Variants in ALDH1L1 observed in about 807,000 individuals in gnomAD.
ALDH1L1 encodes the protein aldehyde dehydrogenase 1 family member L1.
Under a neutral mutation model 101.1 loss-of-function variants are expected in ALDH1L1, and 68 were observed. The ratio of observed to expected loss-of-function variants is 0.67; its 90% CI spans 0.55 to 0.82. ALDH1L1 has a LOEUF of 0.82. Among genes scored for constraint, ALDH1L1 ranks in the 40% least tolerant of loss-of-function variants. ALDH1L1 has a pLI of 0.00. For missense variants in ALDH1L1, 1,087 were observed against 1,172.7 expected (o/e 0.93, Z 1.07); for synonymous variants, 486 against 470.8 (o/e 1.03, Z -0.42).
At position 126,137,301 on chromosome 3, in the gene ALDH1L1, C is replaced by T. The variant is rs988871230; in HGVS notation, c.1225-418G>A. On this transcript the variant is annotated intron_variant, in intron 10 of 22. Transcript: ENST00000393434. Reference sequence around the variant, plus strand: ...TGAAATCTGTTCGTCAGTCATTTGTCCTCAATCCCAAGGACACCCTTAGGT... The same window carrying T: ...TGAAATCTGTTCGTCAGTCATTTGTTCTCAATCCCAAGGACACCCTTAGGT... 3.3e-5 allele frequency among the ~76,000 whole-genome samples: 5 copies of T among 152,302 alleles called. No homozygotes were observed. The South Asian group carries it at 1.0e-3, about 32-fold the overall frequency.
At chr3:126,144,113 T>C (rs1441576136) in intron 9 of ALDH1L1, among the ~76,000 whole-genome samples, 1 of 152,152 alleles carries the variant, frequency 6.6e-6, no homozygotes, top group African/African-American at 2.4e-5. Flanking sequence ...CAATTCCCTT[T>C]ACAATGGCAT....
At position 126,112,702 on chromosome 3, in the gene ALDH1L1, C is replaced by A. The variant is rs531988855; in HGVS notation, c.2181+80G>T. 1.0e-5 allele frequency: 14 copies of A among 1,389,060 alleles called. No individual in the cohort carries two copies. The South Asian group carries it at 1.5e-4, about 15-fold the overall frequency. 86.0% of individuals were successfully genotyped at this position (1,389,060 alleles called of 1,614,324 possible). A position where few individuals can be genotyped will look rare whatever the true frequency, so the allele number is the denominator to read the frequency against. On this transcript the variant is annotated intron_variant, in intron 19 of 22. Coordinates refer to ENST00000393434, the MANE Select transcript of ALDH1L1 (RefSeq NM_012190.4). ...CCAGCCTCACTTGACCCTGCCCTGT[C>A]TCCCCTCCTCCAACCCCCTCCAGCC...
intron 8 of ALDH1L1, among the ~76,000 whole-genome samples, chr3:126,148,912 C>T (rs968285279): frequency 2.0e-5 from 3 of 152,228 alleles, no homozygotes; most frequent in African/African-American, 7.2e-5. Flanking sequence ...CCCCTAAAAC[C>T]TGCACCTTTT....
At chr3:126,156,998 A>G (rs369468917) in intron 4 of ALDH1L1, among the ~76,000 whole-genome samples, 1 of 152,232 alleles carries the variant, frequency 6.6e-6, no homozygotes. Context: ...GGAGAGAGAA[A>G]TAGAATCCTA....
chr3:126,109,913 A>G lies in ALDH1L1; in HGVS notation c.2347+31T>C, dbSNP rs377289959. The G allele has an allele frequency of 1.9e-6, 3 of 1,609,846 alleles. No individual in the cohort carries two copies. The South Asian group carries it at 3.3e-5, about 18-fold the overall frequency. ...GCCATGGGACCTGCTGCCTCAATTGACCCAAGCGGACCTGACACACTCTGA... is the reference window on the plus strand; with the variant it reads ...GCCATGGGACCTGCTGCCTCAATTGGCCCAAGCGGACCTGACACACTCTGA... On this transcript the variant is annotated intron_variant, in intron 20 of 22. Transcript: ENST00000393434.
At chr3:126,117,415 G>A (rs1388482670) in intron 17 of ALDH1L1, among the ~76,000 whole-genome samples, 2 of 152,014 alleles carry the variant, frequency 1.3e-5, no homozygotes, top group Non-Finnish European at 2.9e-5. Flanking sequence ...ACGGAGATGG[G>A]AGGCCGAGTC....
chr3:126,193,044 T>A (rs1402134133), intron 1 of ALDH1L1, among the ~76,000 whole-genome samples: 1 of 152,222 alleles, frequency 6.6e-6, no homozygotes, highest in African/African-American at 2.4e-5. Context: ...GAAGTATGGC[T>A]GCTGGGATTG....
At chr3:126,195,921 T>A (rs1052361363) in intron 1 of ALDH1L1, among the ~76,000 whole-genome samples, 2 of 151,930 alleles carry the variant, frequency 1.3e-5, no homozygotes, top group South Asian at 2.1e-4. Context: ...ATGAGAACAC[T>A]TGGACACAGG....
chr3:126,176,323 CA>C (rs1375746694), intron 1 of ALDH1L1, among the ~76,000 whole-genome samples: 2 of 152,148 alleles, frequency 1.3e-5, no homozygotes, highest in African/African-American at 2.4e-5. Flanking sequence ...TGGATATCAA[CA>C]AACTGATTCT....
intron 17 of ALDH1L1, among the ~76,000 whole-genome samples, chr3:126,116,001 T>C (rs1297570232): frequency 1.3e-5 from 2 of 151,092 alleles, no homozygotes; most frequent in Non-Finnish European, 2.9e-5. Context: ...GCCTCTAGAG[T>C]AGCTGGGAAT....
intron 5 of ALDH1L1, 109 bp downstream of exon 5, chr3:126,155,293 G>A: frequency 1.0e-6 from 1 of 961,890 alleles, no homozygotes; most frequent in Non-Finnish European, 1.5e-6. Context: ...TGGCCTCAAA[G>A]AATTACAACC....
chr3:126,169,029 C>G (rs80031052), intron 1 of ALDH1L1, among the ~76,000 whole-genome samples: 3 of 151,978 alleles, frequency 2.0e-5, no homozygotes, highest in African/African-American at 7.3e-5. Context: ...AACAAGCGCT[C>G]TCAAAGGCAG....
At chr3:126,148,327 A>G (rs2080738529) in intron 8 of ALDH1L1, among the ~76,000 whole-genome samples, 1 of 152,176 alleles carries the variant, frequency 6.6e-6, no homozygotes, top group Admixed American at 6.5e-5. Context: ...CATGGGCAGC[A>G]ACTGCCCAGC....
chr3:126,136,880 C>G lies in ALDH1L1; in HGVS notation c.1228G>C (p.Glu410Gln), dbSNP rs886155354. 6.2e-7 allele frequency: 1 copy of G among 1,613,654 alleles called. No homozygotes were observed. Among genetic ancestry groups the G allele is most frequent in the Non-Finnish European group, 8.5e-7 (1 of 1,179,848 alleles). The change falls in exon 11 of 23, where the codon GAA (glutamate) becomes CAA (glutamine). Residue 410 changes from glutamate (E) to glutamine (Q), a missense_variant. Transcript: ENST00000393434. ...ACAGTGCGCTTGTTCACTGCCATTT[C>G]CACCTGAAAGAAAGGCCCCAGTGAC... ...EEGECSIDYV[E>Q]MAVNKRTVRM...
chr3:126,107,046 G>T (rs1945900184), intron 21 of ALDH1L1, 95 bp downstream of exon 21: 1 of 1,163,390 alleles, frequency 8.6e-7, no homozygotes, highest in African/African-American at 1.5e-5. Flanking sequence ...TTCTCCTCCT[G>T]ACTGCCCGTA....
intron 17 of ALDH1L1, among the ~76,000 whole-genome samples, chr3:126,117,648 T>A (rs112179113): frequency 0.015 from 2,023 of 134,430 alleles, 54 homozygotes; most frequent in African/African-American, 0.06. Flanking sequence ...CAAGACCCTG[T>A]CTCAAAAAAA....
chr3:126,135,511 G>C, intron 12 of ALDH1L1, 24 bp downstream of exon 12: 1 of 1,598,792 alleles, frequency 6.3e-7, no homozygotes, highest in Non-Finnish European at 8.5e-7. Context: ...GGCAGTGGCT[G>C]GCAGGTACAT....
chr3:126,150,349 C>T (rs553761648), intron 8 of ALDH1L1, 57 bp downstream of exon 8: 3 of 1,534,520 alleles, frequency 2.0e-6, no homozygotes, highest in African/African-American at 2.8e-5. Context: ...ATTTGCAGAA[C>T]ACATGTGCAC....
At chr3:126,158,760 C>T in intron 2 of ALDH1L1, 121 bp from the exon 3 acceptor site, 1 of 901,650 alleles carries the variant, frequency 1.1e-6, no homozygotes, top group Admixed American at 2.3e-5. Context: ...TCACCCACAC[C>T]CCAGCCAGGC....
Sources: allele counts gnomAD v4.1 joint callset (sites outside exome capture counted in the v4.1 genomes callset), GRCh38; gene constraint gnomAD v4.1.1; transcripts MANE v1.5; gene names NCBI Gene and HGNC (gene_info 2026-07-23, HGNC 2026-07-21).